ADGRL3: variants seen among roughly 807,000 people sequenced by gnomAD.
ADGRL3 encodes the protein adhesion G protein-coupled receptor L3.
ADGRL3 carries 62 observed loss-of-function variants against 153.5 expected under a neutral mutation model. The observed-to-expected ratio is 0.40, with a 90% CI of 0.33 to 0.50. ADGRL3 has a LOEUF of 0.50. ADGRL3 is among the 20% of genes least tolerant of loss of function. The probability of loss-of-function intolerance (pLI) is 0.47; values close to 1 mark genes in which losing one functional copy is unlikely to be tolerated. For missense variants in ADGRL3, 1,641 were observed against 1,859.4 expected (o/e 0.88, Z 2.16); for synonymous variants, 710 against 672.5 (o/e 1.06, Z -0.86).
chr4:61,697,664 G>A (rs2095666752), intron 6 of ADGRL3, among the ~76,000 whole-genome samples: 1 of 151,910 alleles, frequency 6.6e-6, no homozygotes, highest in Admixed American at 6.6e-5. Flanking sequence ...TCAAACATTT[G>A]CTATTATTTG....
Position 61,325,534 on chromosome 4 carries a change from A to G in ADGRL3, c.-239-57590A>G, listed in dbSNP as rs568609792. Among the ~76,000 whole-genome samples the G allele has an allele frequency of 1.1e-3, 163 of 152,270 alleles. 1 individual carries two copies. The highest frequency in any genetic ancestry group is 3.7e-3 in the African/African-American group (155 of 41,588). ...GAGTGTGAATTCTCATTTGTTTAAC[A>G]GGCTTATTTTCTCTTTTTCATTTAG... On this transcript the variant is annotated intron_variant, in intron 1 of 26. Transcript: ENST00000683033.
chr4:61,297,434 C>T (rs1005414074), intron 1 of ADGRL3, among the ~76,000 whole-genome samples: 4 of 151,822 alleles, frequency 2.6e-5, no homozygotes, highest in African/African-American at 9.7e-5. Flanking sequence ...CTTTGAGGAA[C>T]TATGGGAAAA....
chr4:61,740,733 G>T (rs1355126387), intron 8 of ADGRL3, among the ~76,000 whole-genome samples: 1 of 152,268 alleles, frequency 6.6e-6, no homozygotes, highest in Non-Finnish European at 1.5e-5. Context: ...TACTGGTTGA[G>T]ATTTAGTGAA....
chr4:61,779,554 A>G (rs1290244647), intron 8 of ADGRL3, among the ~76,000 whole-genome samples: 2 of 148,238 alleles, frequency 1.3e-5, no homozygotes, highest in East Asian at 4.0e-4. Flanking sequence ...GAATTGCTTG[A>G]ACCCAGAGGT....
At chr4:61,950,716 G>T (rs941345739) in intron 17 of ADGRL3, among the ~76,000 whole-genome samples, 1 of 152,216 alleles carries the variant, frequency 6.6e-6, no homozygotes, top group African/African-American at 2.4e-5. Flanking sequence ...TTCCCAGAAA[G>T]TTCATTGGCA....
At chr4:61,841,810 T>C (rs2098036571) in intron 9 of ADGRL3, among the ~76,000 whole-genome samples, 1 of 152,240 alleles carries the variant, frequency 6.6e-6, no homozygotes, top group South Asian at 2.1e-4. Flanking sequence ...AGTTCCTTGC[T>C]GTCTAGACTT....
intron 4 of ADGRL3, among the ~76,000 whole-genome samples, chr4:61,575,590 A>T (rs1270102043): frequency 1.3e-5 from 2 of 152,002 alleles, no homozygotes; most frequent in African/African-American, 4.8e-5. Flanking sequence ...TAAACTGATG[A>T]AACAATGTTT....
At chr4:62,022,685 C>T (rs1366677353) in intron 21 of ADGRL3, among the ~76,000 whole-genome samples, 1 of 151,968 alleles carries the variant, frequency 6.6e-6, no homozygotes. Context: ...GTTAAATCTA[C>T]CCTGCCTGTG....
chr4:61,958,069 C>T (rs926085078), intron 17 of ADGRL3, among the ~76,000 whole-genome samples: 1 of 152,158 alleles, frequency 6.6e-6, no homozygotes, highest in Admixed American at 6.5e-5. Flanking sequence ...ACTTTCTTTT[C>T]ACATATTTCT....
At chr4:61,275,641 A>C (rs2093424148) in intron 1 of ADGRL3, among the ~76,000 whole-genome samples, 1 of 152,232 alleles carries the variant, frequency 6.6e-6, no homozygotes, top group Non-Finnish European at 1.5e-5. Context: ...GGGAGCATGC[A>C]TGTTTCAGTT....
At chr4:61,670,490 T>C (rs1377676861) in intron 5 of ADGRL3, among the ~76,000 whole-genome samples, 1 of 152,098 alleles carries the variant, frequency 6.6e-6, no homozygotes, top group East Asian at 1.9e-4. Context: ...TTTGTCTGTA[T>C]AATGGAAGTG....
chr4:61,908,370 G>C (rs896978600), intron 11 of ADGRL3, among the ~76,000 whole-genome samples: 2 of 152,162 alleles, frequency 1.3e-5, no homozygotes, highest in African/African-American at 4.8e-5. Flanking sequence ...GCCGAGACGG[G>C]TAGATTGCCT....
intron 15 of ADGRL3, among the ~76,000 whole-genome samples, chr4:61,938,305 A>G (rs545536123): frequency 1.3e-5 from 2 of 152,352 alleles, no homozygotes; most frequent in East Asian, 1.9e-4. Flanking sequence ...GCATTTTAAT[A>G]TCAAATCTAG....
At chr4:61,743,996 G>T in intron 8 of ADGRL3, among the ~76,000 whole-genome samples, 1 of 152,248 alleles carries the variant, frequency 6.6e-6, no homozygotes, top group Middle Eastern at 3.4e-3. Flanking sequence ...GGAAAATCAG[G>T]TCACTCCCAC....
At chr4:61,529,455 A>C (rs1178585370) in intron 4 of ADGRL3, among the ~76,000 whole-genome samples, 3 of 152,144 alleles carry the variant, frequency 2.0e-5, no homozygotes, top group Non-Finnish European at 2.9e-5. Context: ...AGTAATCCTT[A>C]ATAGTGTCTT....
chr4:61,420,657 C>CG (rs1157290608), intron 2 of ADGRL3: 1 of 151,748 alleles, frequency 6.6e-6, no homozygotes, highest in Non-Finnish European at 1.5e-5. Flanking sequence ...CCGCCTGCCT[C>CG]GGCCTCCCAA....
chr4:61,769,595 G>C (rs553976799), intron 8 of ADGRL3, among the ~76,000 whole-genome samples: 1 of 152,060 alleles, frequency 6.6e-6, no homozygotes, highest in Admixed American at 6.5e-5. Context: ...TGAGCAACAT[G>C]GCTGTTGCTC....
chr4:62,063,374 G>C (rs754744345), intron 25 of ADGRL3: 19 of 461,298 alleles, frequency 4.1e-5, no homozygotes, highest in African/African-American at 3.8e-4. Context: ...TTTTAGTCTA[G>C]TTAGCTGCCT....
At chr4:61,398,580 C>G (rs2096894356) in intron 2 of ADGRL3, among the ~76,000 whole-genome samples, 2 of 151,568 alleles carry the variant, frequency 1.3e-5, no homozygotes, top group Non-Finnish European at 3.0e-5. Context: ...GTAATTACTT[C>G]TTTTTTGCCT....
Sources: gnomAD v4.1 joint callset for allele counts (sites outside exome capture counted in the v4.1 genomes callset) on GRCh38, gnomAD v4.1.1 for gene constraint, MANE v1.5 for transcripts, NCBI Gene and HGNC (gene_info 2026-07-23, HGNC 2026-07-21) for gene names.